CTNNA2: variants seen among roughly 807,000 people sequenced by gnomAD.
The protein encoded by CTNNA2 is catenin alpha-2.
Under a neutral mutation model 101.0 loss-of-function variants are expected in CTNNA2, and 42 were observed. The ratio of observed to expected loss-of-function variants is 0.42; its 90% CI spans 0.32 to 0.54. The LOEUF is 0.54. Among genes scored for constraint, CTNNA2 ranks in the 20% least tolerant of loss-of-function variants. The pLI, the probability that CTNNA2 is intolerant of heterozygous loss-of-function variation, is 0.14. For synonymous variants in CTNNA2, 450 were observed against 456.4 expected, an observed-to-expected ratio of 0.99 and a Z score of 0.18; for missense variants, 871 against 1,223.1, an observed-to-expected ratio of 0.71 and a Z score of 4.29.
At chr2:80,560,898 G>A (rs148163390) in intron 12 of CTNNA2, among the ~76,000 whole-genome samples, 5 of 152,252 alleles carry the variant, frequency 3.3e-5, no homozygotes, top group East Asian at 1.9e-4. Flanking sequence ...CATTTAATAC[G>A]TAAGTATTGA....
chr2:79,433,322 A>T (rs531200404), intron 4 of CTNNA2, among the ~76,000 whole-genome samples: 10 of 152,282 alleles, frequency 6.6e-5, no homozygotes, highest in African/African-American at 2.4e-4. Context: ...TGGACAATTC[A>T]CTCATGGGAT....
chr2:79,496,717 A>C (rs1020212560), intron 4 of CTNNA2, among the ~76,000 whole-genome samples: 1 of 151,556 alleles, frequency 6.6e-6, no homozygotes, highest in African/African-American at 2.4e-5. Context: ...ATATAATTTT[A>C]TATATGTATT....
chr2:79,638,895 A>T (rs527568327), intron 1 of CTNNA2, among the ~76,000 whole-genome samples: 1 of 152,212 alleles, frequency 6.6e-6, no homozygotes, highest in Admixed American at 6.5e-5. Context: ...CTTTCTTTAT[A>T]TCATGATTAC....
At chr2:79,916,033 C>T (rs10195571) in intron 7 of CTNNA2, among the ~76,000 whole-genome samples, 11,118 of 152,190 alleles carry the variant, frequency 0.073, 819 homozygotes, top group African/African-American at 0.17. Context: ...TAAGGCTCAT[C>T]GTTGATTAAA....
intron 4 of CTNNA2, among the ~76,000 whole-genome samples, chr2:79,866,821 TTTC>T (rs141914563): frequency 0.02 from 3,000 of 152,348 alleles, 102 homozygotes; most frequent in African/African-American, 0.067. Context: ...ATATTTTGCA[TTTC>T]TTATCTCCTT....
chr2:80,559,152 C>T (rs779620243), intron 12 of CTNNA2, among the ~76,000 whole-genome samples: 1 of 152,048 alleles, frequency 6.6e-6, no homozygotes, highest in Non-Finnish European at 1.5e-5. Flanking sequence ...AGCATTACTG[C>T]CCTAAAGTAA....
At chr2:79,862,405 A>G (rs1244220539) in intron 4 of CTNNA2, among the ~76,000 whole-genome samples, 8 of 152,304 alleles carry the variant, frequency 5.3e-5, no homozygotes. Flanking sequence ...AGCCTCATGC[A>G]GCCTCAGTAG....
In CTNNA2 at chr2:80,524,414, A is replaced by G. The variant is rs536776778; in HGVS notation, c.1291-20568A>G. Among the ~76,000 whole-genome samples the G allele has an allele frequency of 6.6e-5, 10 of 152,172 alleles. No homozygotes were observed. In the East Asian group the frequency reaches 1.9e-3, roughly 29 times the overall value. The stretch of plus-strand genomic sequence containing the variant: ...CATTTTCTTCTGATTCATCTTCCAA[A>G]CAGGTGTGCAAGTGCTCTTTAGGTG... On this transcript the variant is annotated intron_variant, in intron 9 of 18. Coordinates refer to ENST00000402739, the MANE Select transcript of CTNNA2 (RefSeq NM_001282597.3).
intron 7 of CTNNA2, among the ~76,000 whole-genome samples, chr2:80,154,467 A>C (rs1436905041): frequency 6.6e-6 from 1 of 152,198 alleles, no homozygotes; most frequent in African/African-American, 2.4e-5. Context: ...GAGCTAAGAA[A>C]TATATTCTGA....
At chr2:80,313,350 T>G (rs561987783) in intron 7 of CTNNA2, 5 of 1,345,504 alleles carry the variant, frequency 3.7e-6, no homozygotes, top group Admixed American at 7.1e-5. Flanking sequence ...TGTTCATTTG[T>G]TGTAAGTCAG....
intron 7 of CTNNA2, among the ~76,000 whole-genome samples, chr2:80,069,705 CGTGT>C (rs145680191): frequency 6.6e-6 from 1 of 151,300 alleles, no homozygotes; most frequent in East Asian, 1.9e-4. Flanking sequence ...AATATATGTA[CGTGT>C]GTGTGTGTGT....
chr2:80,263,623 A>G (rs899439603), intron 7 of CTNNA2, among the ~76,000 whole-genome samples: 1 of 152,232 alleles, frequency 6.6e-6, no homozygotes, highest in Non-Finnish European at 1.5e-5. Context: ...GGCGTGAGCC[A>G]CTGCACCCGG....
chr2:80,178,590 T>C (rs1705548461), intron 7 of CTNNA2, among the ~76,000 whole-genome samples: 1 of 152,144 alleles, frequency 6.6e-6, no homozygotes, highest in Non-Finnish European at 1.5e-5. Context: ...TGCACAGCAG[T>C]GTGGACCTGT....
intron 3 of CTNNA2, among the ~76,000 whole-genome samples, chr2:79,767,437 G>T (rs1420208131): frequency 6.6e-6 from 1 of 151,996 alleles, no homozygotes; most frequent in Non-Finnish European, 1.5e-5. Context: ...ACATTGAAGA[G>T]TTAGTTATTT....
intron 7 of CTNNA2, among the ~76,000 whole-genome samples, chr2:80,261,715 A>C (rs770713035): frequency 6.6e-6 from 1 of 152,202 alleles, no homozygotes; most frequent in African/African-American, 2.4e-5. Context: ...AGGGCAAATA[A>C]ATAGTGATTT....
chr2:79,713,136 A>G (rs1685849406), intron 2 of CTNNA2, among the ~76,000 whole-genome samples: 1 of 152,224 alleles, frequency 6.6e-6, no homozygotes, highest in Non-Finnish European at 1.5e-5. Flanking sequence ...AAAACATTGA[A>G]TCATGCTATG....
intron 7 of CTNNA2, among the ~76,000 whole-genome samples, chr2:80,099,630 G>T (rs931219989): frequency 6.6e-6 from 1 of 151,954 alleles, no homozygotes; most frequent in African/African-American, 2.4e-5. Context: ...GTGGTGTGTG[G>T]TCACCAAAAT....
chr2:79,757,556 G>C (rs561933586), intron 3 of CTNNA2, among the ~76,000 whole-genome samples: 20 of 152,164 alleles, frequency 1.3e-4, no homozygotes, highest in Non-Finnish European at 2.9e-4. Flanking sequence ...TACAGAAAGA[G>C]AATAAGAAAT....
chr2:80,278,008 G>A (rs567074010), intron 7 of CTNNA2, among the ~76,000 whole-genome samples: 7 of 152,170 alleles, frequency 4.6e-5, no homozygotes, highest in African/African-American at 1.7e-4. Context: ...TTTCTGGATT[G>A]GGTAGTGGTT....
Sources: gnomAD v4.1 joint callset for allele counts (sites outside exome capture counted in the v4.1 genomes callset) on GRCh38, gnomAD v4.1.1 for gene constraint, MANE v1.5 for transcripts, NCBI Gene and HGNC (gene_info 2026-07-23, HGNC 2026-07-21) for gene names.